The following KCNAB1 variants were observed in gnomAD, a reference collection of about 807,000 sequenced individuals.
The protein encoded by KCNAB1 is potassium voltage-gated channel subfamily A regulatory beta subunit 1.
KCNAB1 carries 35 observed loss-of-function variants against 64.6 expected under a neutral mutation model. The ratio of observed to expected loss-of-function variants is 0.54; its 90% CI spans 0.41 to 0.72. The LOEUF (loss-of-function observed/expected upper bound fraction) is 0.72. KCNAB1 is among the 30% of genes least tolerant of loss of function. The pLI is 0.00. For synonymous variants in KCNAB1, 177 were observed against 183.8 expected, an observed-to-expected ratio of 0.96 and a Z score of 0.30; for missense variants, 401 against 512.9, an observed-to-expected ratio of 0.78 and a Z score of 2.11.
At chr3:156,502,532 CCACACACACA>C (rs60469602) in intron 8 of KCNAB1, among the ~76,000 whole-genome samples, 12,272 of 142,772 alleles carry the variant, frequency 0.086, 555 homozygotes, top group East Asian at 0.15. Context: ...TACCTTACAA[CCACACACACA>C]CACACACACA....
rs555608464 is a variant in KCNAB1, at chr3:156,347,620, A to G, written c.276-73996A>G. ...TGCCCCTGAGAAAATACATCCAAACAGTACTTAAAGAATCTGGGGAAGCCC... is the reference window on the plus strand; with the variant it reads ...TGCCCCTGAGAAAATACATCCAAACGGTACTTAAAGAATCTGGGGAAGCCC... On this transcript the variant is annotated intron_variant, in intron 1 of 13. Transcript: ENST00000490337. Among the ~76,000 whole-genome samples the G allele has an allele frequency of 1.5e-3, 235 of 152,356 alleles. 1 individual carries two copies. In the Middle Eastern group the frequency reaches 0.041, roughly 26 times the overall value.
chr3:156,363,141 A>AC (rs1426156713), intron 1 of KCNAB1, among the ~76,000 whole-genome samples: 1 of 152,220 alleles, frequency 6.6e-6, no homozygotes, highest in African/African-American at 2.4e-5. Context: ...AATTAGTTTC[A>AC]CCCCAGATCA....
chr3:156,356,941 T>C lies in KCNAB1; in HGVS notation c.276-64675T>C, dbSNP rs188485512. 2.0e-5 allele frequency among the ~76,000 whole-genome samples: 3 copies of C among 152,340 alleles called. No homozygotes were observed. In the East Asian group the frequency reaches 5.8e-4, roughly 29 times the overall value. ...CTAGTTGGCTCTGTCTTTCCAGAGT[T>C]ACAGCAATAGGGAGTTCCTTGAACT... On this transcript the variant is annotated intron_variant, in intron 1 of 13. Coordinates refer to ENST00000490337, the MANE Select transcript of KCNAB1 (RefSeq NM_172160.3).
chr3:156,193,822 A>G (rs964014747), intron 1 of KCNAB1, among the ~76,000 whole-genome samples: 9 of 152,194 alleles, frequency 5.9e-5, no homozygotes, highest in Non-Finnish European at 1.5e-5. Flanking sequence ...CAGCCAAACC[A>G]TATCAGTGGC....
intron 1 of KCNAB1, among the ~76,000 whole-genome samples, chr3:156,267,598 C>T (rs2108487674): frequency 6.6e-6 from 1 of 152,264 alleles, no homozygotes; most frequent in South Asian, 2.1e-4. Flanking sequence ...GAGTTTCCAT[C>T]CCACATGGTT....
At chr3:156,237,060 A>G (rs560377611) in intron 1 of KCNAB1, among the ~76,000 whole-genome samples, 2 of 152,332 alleles carry the variant, frequency 1.3e-5, no homozygotes, top group South Asian at 4.1e-4. Context: ...GGACGGATGC[A>G]TGTAGACAAC....
chr3:156,119,682 C>T (rs1713232040), upstream of KCNAB1, among the ~76,000 whole-genome samples: 2 of 152,132 alleles, frequency 1.3e-5, no homozygotes, highest in South Asian at 4.1e-4. Flanking sequence ...CTGTGATAGA[C>T]CCCTAGGTGG....
At chr3:156,201,217 C>T (rs544921984) in intron 1 of KCNAB1, among the ~76,000 whole-genome samples, 1 of 152,344 alleles carries the variant, frequency 6.6e-6, no homozygotes, top group South Asian at 2.1e-4. Context: ...CCGCCTTCTG[C>T]ATTGGTCTTG....
chr3:156,535,551 G>A (rs1439370834), intron 13 of KCNAB1, among the ~76,000 whole-genome samples: 1 of 152,142 alleles, frequency 6.6e-6, no homozygotes, highest in Non-Finnish European at 1.5e-5. Flanking sequence ...ACTTGCAGCT[G>A]CTCAGTCACT....
At chr3:156,285,063 G>C (rs943087383) in intron 1 of KCNAB1, among the ~76,000 whole-genome samples, 2 of 152,192 alleles carry the variant, frequency 1.3e-5, no homozygotes, top group African/African-American at 4.8e-5. Flanking sequence ...ACTGGAGGGA[G>C]GCAGCGTGAG....
intron 1 of KCNAB1, among the ~76,000 whole-genome samples, chr3:156,214,926 G>A (rs1282976072): frequency 6.6e-6 from 1 of 152,148 alleles, no homozygotes; most frequent in Non-Finnish European, 1.5e-5. Flanking sequence ...TGGTCTTTCA[G>A]GGTGTACAGC....
chr3:156,200,606 A>G (rs1714265853), intron 1 of KCNAB1, among the ~76,000 whole-genome samples: 1 of 152,170 alleles, frequency 6.6e-6, no homozygotes, highest in African/African-American at 2.4e-5. Context: ...AGGGCTTAAC[A>G]CTGTGAGGGG....
chr3:156,306,750 A>C (rs1319714253), intron 1 of KCNAB1, among the ~76,000 whole-genome samples: 1 of 152,190 alleles, frequency 6.6e-6, no homozygotes. Context: ...GAGAGACTGG[A>C]TCCCCAGCTA....
At chr3:156,431,751 A>G (rs1239424035) in intron 2 of KCNAB1, among the ~76,000 whole-genome samples, 1 of 152,244 alleles carries the variant, frequency 6.6e-6, no homozygotes, top group Admixed American at 6.5e-5. Flanking sequence ...CTAGGCCCAC[A>G]TGAAAGAATT....
At chr3:156,185,739 ATTT>A (rs142995034) in intron 1 of KCNAB1, among the ~76,000 whole-genome samples, 9 of 150,178 alleles carry the variant, frequency 6.0e-5, no homozygotes, top group Admixed American at 6.0e-4. Flanking sequence ...TGATAGGAGT[ATTT>A]TTTTTTTCTC....
chr3:156,382,521 C>A (rs573565580), intron 1 of KCNAB1, among the ~76,000 whole-genome samples: 1 of 152,134 alleles, frequency 6.6e-6, no homozygotes, highest in East Asian at 1.9e-4. Flanking sequence ...ACAAAAAAAC[C>A]AACCAACCAA....
chr3:156,423,105 G>A (rs1465499445), intron 2 of KCNAB1, among the ~76,000 whole-genome samples: 1 of 152,202 alleles, frequency 6.6e-6, no homozygotes, highest in Admixed American at 6.5e-5. Flanking sequence ...TCCCCTGGGA[G>A]AATGGAAAGA....
chr3:156,216,201 G>C (rs1266404265), intron 1 of KCNAB1, among the ~76,000 whole-genome samples: 1 of 152,172 alleles, frequency 6.6e-6, no homozygotes, highest in Non-Finnish European at 1.5e-5. Flanking sequence ...GATTAACTAA[G>C]GATGGTAACC....
chr3:156,382,591 T>C (rs149326921), intron 1 of KCNAB1, among the ~76,000 whole-genome samples: 1 of 152,212 alleles, frequency 6.6e-6, no homozygotes, highest in African/African-American at 2.4e-5. Flanking sequence ...ATTTACCGAC[T>C]ATTTTTTGTC....
Sources: allele counts gnomAD v4.1 joint callset (sites outside exome capture counted in the v4.1 genomes callset), GRCh38; gene constraint gnomAD v4.1.1; transcripts MANE v1.5; gene names NCBI Gene and HGNC (gene_info 2026-07-23, HGNC 2026-07-21).